Variants in PHF12 observed in about 807,000 individuals in gnomAD.
The protein encoded by PHF12 is PHD factor 1.
Under a neutral mutation model 99.8 loss-of-function variants are expected in PHF12, and 6 were observed. That is an observed-to-expected ratio of 0.06 (90% confidence interval 0.03 to 0.12). The LOEUF (loss-of-function observed/expected upper bound fraction) is 0.12, where lower values mean the gene tolerates loss of function less well. Among genes scored for constraint, PHF12 ranks in the 10% least tolerant of loss-of-function variants. The pLI, the probability that PHF12 is intolerant of heterozygous loss-of-function variation, is 1.00. For synonymous variants in PHF12, 480 were observed against 514.9 expected (o/e 0.93, Z 0.92); for missense variants, 954 against 1,300.1 (o/e 0.73, Z 4.09).
At position 28,906,005 on chromosome 17, in the gene PHF12, G is replaced by A. The variant is rs1279284511; in HGVS notation, c.*178C>T. 1 of 674,592 alleles carries A rather than the reference G, an allele frequency of 1.5e-6. No individual in the cohort carries two copies. The highest frequency in any genetic ancestry group is 2.9e-5 in the East Asian group (1 of 34,282). The allele number at this position is 674,592 out of a possible 1,614,324, so 41.8% of individuals were successfully genotyped here. A position where few individuals can be genotyped will look rare whatever the true frequency, so the allele number is the denominator to read the frequency against. ...TATGTGCAAATGCCCCCTAGAACTT[G>A]AGAAAAGAAAAAGGATTTTTAAAAA... On this transcript the variant is annotated 3_prime_UTR_variant, in exon 15 of 15. Coordinates refer to ENST00000332830, the MANE Select transcript of PHF12 (RefSeq NM_001033561.2). This position sits in a 1 kb window ranked among gnomAD's most constrained non-coding sequence, Gnocchi z 4.2.
At chr17:28,910,405 G>A (rs554567876) in intron 10 of PHF12, 36 bp from the exon 11 acceptor site, 2 of 1,586,094 alleles carry the variant, frequency 1.3e-6, no homozygotes, top group African/African-American at 2.7e-5. Context: ...AAGCAGCTGA[G>A]ATGGGAAGTG....
chr17:28,926,822 G>C, intron 3 of PHF12, 169 bp downstream of exon 3: 8 of 1,535,056 alleles, frequency 5.2e-6, no homozygotes, highest in Non-Finnish European at 7.0e-6. Flanking sequence ...GGATTTTTAG[G>C]CCCTACTGGA....
chr17:28,926,373 T>G (rs569110450), intron 3 of PHF12: 4 of 213,342 alleles, frequency 1.9e-5, no homozygotes, highest in African/African-American at 9.4e-5. Context: ...ATCCATAGCC[T>G]GTAATTTGAG....
At chr17:28,907,476 A>C in intron 13 of PHF12, 114 bp downstream of exon 13, 1 of 1,011,300 alleles carries the variant, frequency 9.9e-7, no homozygotes, top group Non-Finnish European at 1.5e-6. Context: ...AGGGAAGAAA[A>C]AGAGAGGACC....
chr17:28,933,694 T>C (rs1387803626), intron 2 of PHF12, among the ~76,000 whole-genome samples: 3 of 152,302 alleles, frequency 2.0e-5, no homozygotes, highest in African/African-American at 2.4e-5. Flanking sequence ...TTCTCATCAA[T>C]GTACTAGGTA....
At chr17:28,937,337 A>G (rs1021812271) in intron 2 of PHF12, among the ~76,000 whole-genome samples, 9 of 152,164 alleles carry the variant, frequency 5.9e-5, no homozygotes, top group African/African-American at 2.2e-4. Flanking sequence ...AGATGGAAGG[A>G]GAAAATTCAT....
At chr17:28,928,877 C>T (rs957475879) in intron 2 of PHF12, among the ~76,000 whole-genome samples, 2 of 152,110 alleles carry the variant, frequency 1.3e-5, no homozygotes, top group Non-Finnish European at 2.9e-5. Context: ...GCAGGCAGAA[C>T]ACGACGTCAG....
intron 12 of PHF12, chr17:28,908,299 C>G (rs1169554401): frequency 1.2e-5 from 2 of 163,540 alleles, no homozygotes; most frequent in Non-Finnish European, 2.7e-5. Flanking sequence ...AGCAAAAGGG[C>G]CTGAACAAGG....
chr17:28,946,979 G>A (rs540014079), intron 2 of PHF12, among the ~76,000 whole-genome samples: 2 of 152,050 alleles, frequency 1.3e-5, no homozygotes, highest in East Asian at 3.9e-4. Flanking sequence ...AGCAGTAATA[G>A]GACAATTTTT....
chr17:28,946,208 C>T (rs1466559717), intron 2 of PHF12, among the ~76,000 whole-genome samples: 2 of 152,184 alleles, frequency 1.3e-5, no homozygotes. Context: ...CCCCTACTAT[C>T]ACTCTGAATA....
intron 2 of PHF12, among the ~76,000 whole-genome samples, chr17:28,931,983 T>C (rs988940595): frequency 1.3e-5 from 2 of 152,156 alleles, no homozygotes; most frequent in East Asian, 1.9e-4. Flanking sequence ...ATTAGATGGA[T>C]AGGAAAGAAA....
Position 28,950,949 on chromosome 17 carries a change from T to C in PHF12, c.12A>G (p.Lys4=), listed in dbSNP as rs1227258521. The C allele has an allele frequency of 6.2e-7, 1 of 1,613,872 alleles. No individual in the cohort carries two copies. The highest frequency in any genetic ancestry group is 8.5e-7 in the Non-Finnish European group (1 of 1,179,888). MWE[K]METKTIVYDL... Reference sequence around the variant, plus strand: ...CGTACACGATCGTCTTGGTCTCCATTTTCTCCCACATTCATCCACCTCCCG... The same window carrying C: ...CGTACACGATCGTCTTGGTCTCCATCTTCTCCCACATTCATCCACCTCCCG... Residue 4 remains lysine (K), a synonymous_variant, in exon 1 of 15, where the codon AAA becomes AAG. Transcript: ENST00000332830. This position sits in a 1 kb window ranked among gnomAD's most constrained non-coding sequence, Gnocchi z 5.7.
At chr17:28,938,283 T>G (rs969920036) in intron 2 of PHF12, among the ~76,000 whole-genome samples, 1 of 152,138 alleles carries the variant, frequency 6.6e-6, no homozygotes, top group Non-Finnish European at 1.5e-5. Flanking sequence ...CAGGTTGGAG[T>G]GCAATGGCAC....
chr17:28,930,212 T>G (rs1207015528), intron 2 of PHF12, among the ~76,000 whole-genome samples: 1 of 152,232 alleles, frequency 6.6e-6, no homozygotes, highest in Non-Finnish European at 1.5e-5. Flanking sequence ...CTACTTCACC[T>G]GGTAAGCTCT....
intron 7 of PHF12, among the ~76,000 whole-genome samples, chr17:28,915,833 T>A (rs559983230): frequency 6.6e-6 from 1 of 152,334 alleles, no homozygotes; most frequent in Non-Finnish European, 1.5e-5. Context: ...AAGTACAAAA[T>A]GCTTTGCAGG....
rs1598122431 is a variant in PHF12 at position 28,913,353 on chromosome 17, G to A, written c.1294-76C>T. On this transcript the variant is annotated intron_variant, in intron 8 of 14. Transcript: ENST00000332830. ...CCTTCCTGCCACAGTGGCCAGGGCTGCAGCAGAGCTGACAAGCAGTTTCCG... is the reference window on the plus strand; with the variant it reads ...CCTTCCTGCCACAGTGGCCAGGGCTACAGCAGAGCTGACAAGCAGTTTCCG... The A allele has an allele frequency of 4.6e-6, 7 of 1,525,794 alleles. No homozygotes were observed. In the East Asian group the frequency reaches 1.4e-4, roughly 30 times the overall value. The allele number at this position is 1,525,794 out of a possible 1,614,324, so 94.5% of individuals were successfully genotyped here.
chr17:28,906,215 C>A lies in PHF12; in HGVS notation c.2983G>T (p.Gly995Cys). The change falls in exon 15 of 15, where the codon GGC (glycine) becomes TGC (cysteine). Residue 995 changes from glycine (G) to cysteine (C), a missense_variant. Around this residue, in one of 8 missense-constraint regions of PHF12, gnomAD observed 136 missense variants for 172.3 expected, o/e 0.79. Transcript: ENST00000332830. This position sits in a 1 kb window ranked among gnomAD's most constrained non-coding sequence, Gnocchi z 4.2. ...AEKLSLKPHQ[G>C]PVLRSNSVP ...ACAGAGTTGGAGCGCAGCACAGGGCCCTGGTGGGGCTTGAGAGAGAGCTTC... is the reference window on the plus strand; with the variant it reads ...ACAGAGTTGGAGCGCAGCACAGGGCACTGGTGGGGCTTGAGAGAGAGCTTC... The A allele has an allele frequency of 6.2e-7, 1 of 1,609,036 alleles. No homozygotes were observed. The highest frequency in any genetic ancestry group is 8.5e-7 in the Non-Finnish European group (1 of 1,176,430).
chr17:28,937,065 CT>C (rs1294072946), intron 2 of PHF12, among the ~76,000 whole-genome samples: 1 of 152,074 alleles, frequency 6.6e-6, no homozygotes, highest in Non-Finnish European at 1.5e-5. Context: ...GAGAACCAGC[CT>C]TTTATAAACG....
intron 2 of PHF12, 144 bp from the exon 3 acceptor site, chr17:28,927,207 T>C (rs2040296404): frequency 1.5e-6 from 1 of 680,144 alleles, no homozygotes; most frequent in Non-Finnish European, 2.5e-6. Flanking sequence ...AATGCCTAAG[T>C]CAGCATCACT....
Sources: allele counts gnomAD v4.1 joint callset (sites outside exome capture counted in the v4.1 genomes callset), GRCh38; gene constraint gnomAD v4.1.1; regional missense constraint gnomAD v4.1.1; non-coding constraint Gnocchi (gnomAD v3.1); transcripts MANE v1.5; gene names NCBI Gene and HGNC (gene_info 2026-07-23, HGNC 2026-07-21).